CELF2: variants seen among roughly 807,000 people sequenced by gnomAD.
CELF2 encodes the protein CUGBP Elav-like family member 2.
CELF2 carries 8 observed loss-of-function variants against 62.6 expected under a neutral mutation model. That is an observed-to-expected ratio of 0.13 (90% CI 0.07 to 0.23). The LOEUF is 0.23. CELF2 is among the 10% of genes least tolerant of loss of function. The pLI is 1.00. For synonymous variants in CELF2, 258 were observed against 250.0 expected (o/e 1.03, Z -0.30); for missense variants, 333 against 671.0 (o/e 0.50, Z 5.56).
chr10:10,963,378 G>GA (rs2049762005), intron 2 of CELF2, among the ~76,000 whole-genome samples: 1 of 152,018 alleles, frequency 6.6e-6, no homozygotes, highest in African/African-American at 2.4e-5. Context: ...ATTCAACCCT[G>GA]AAAAAAATCT....
intron 1 of CELF2, among the ~76,000 whole-genome samples, chr10:10,817,806 G>A (rs1039193434): frequency 2.6e-5 from 4 of 152,162 alleles, no homozygotes; most frequent in South Asian, 2.1e-4. Context: ...TCATTATGTC[G>A]TAAAGTAATA....
chr10:11,202,468 G>C (rs2059431754), intron 2 of CELF2, among the ~76,000 whole-genome samples: 1 of 152,170 alleles, frequency 6.6e-6, no homozygotes, highest in Admixed American at 6.5e-5. Flanking sequence ...GCTTTTCGTA[G>C]CAAATTTGGA....
the CELF2 span, among the ~76,000 whole-genome samples, chr10:10,509,825 A>G: frequency 1.3e-5 from 2 of 152,230 alleles, no homozygotes; most frequent in Admixed American, 6.5e-5. Flanking sequence ...AAGCCCCTAC[A>G]GTACATTGAG....
chr10:10,706,455 A>G, the CELF2 span, among the ~76,000 whole-genome samples: 1 of 152,216 alleles, frequency 6.6e-6, no homozygotes, highest in African/African-American at 2.4e-5. Flanking sequence ...AACCGTCAGC[A>G]TCCTCTATCA....
At chr10:10,841,856 G>T (rs1390225554) in intron 1 of CELF2, among the ~76,000 whole-genome samples, 2 of 152,000 alleles carry the variant, frequency 1.3e-5, no homozygotes, top group Non-Finnish European at 2.9e-5. Flanking sequence ...TACTGAAATT[G>T]CATTGAATCT....
the CELF2 span, among the ~76,000 whole-genome samples, chr10:10,620,026 T>G: frequency 6.6e-6 from 1 of 152,086 alleles, no homozygotes; most frequent in African/African-American, 2.4e-5. Context: ...TAAGGTATAT[T>G]GCATAAGCTT....
intron 1 of CELF2, among the ~76,000 whole-genome samples, chr10:10,845,449 G>T (rs545886492): frequency 1.4e-4 from 14 of 101,972 alleles, no homozygotes; most frequent in African/African-American, 5.8e-4. Context: ...AAACAATAAA[G>T]CAAAGCAAAA....
At chr10:10,769,086 C>T in the CELF2 span, among the ~76,000 whole-genome samples, 1 of 152,160 alleles carries the variant, frequency 6.6e-6, no homozygotes, top group Admixed American at 6.5e-5. Flanking sequence ...GAGATTGTCT[C>T]CCCAAGATAT....
chr10:10,506,866 T>C, the CELF2 span, among the ~76,000 whole-genome samples: 2 of 151,710 alleles, frequency 1.3e-5, no homozygotes, highest in Non-Finnish European at 2.9e-5. Flanking sequence ...GGATTCCCCA[T>C]GTTGGCCAGG....
the CELF2 span, among the ~76,000 whole-genome samples, chr10:10,503,047 A>G: frequency 3.3e-5 from 5 of 151,964 alleles, no homozygotes; most frequent in African/African-American, 1.2e-4. Flanking sequence ...TTTCCCTATC[A>G]TTCTGAATTG....
the CELF2 span, among the ~76,000 whole-genome samples, chr10:10,506,333 G>A: frequency 8.7e-5 from 13 of 149,860 alleles, no homozygotes; most frequent in Non-Finnish European, 7.4e-5. Flanking sequence ...GGTATGTGCC[G>A]ATAAATTATT....
chr10:11,006,513 G>T (rs183084000), intron 1 of CELF2, among the ~76,000 whole-genome samples: 30 of 152,208 alleles, frequency 2.0e-4, no homozygotes, highest in Non-Finnish European at 2.9e-4. Context: ...AATGCCTTGT[G>T]ATCAGACCTG....
chr10:11,296,950 G>C lies in CELF2; in HGVS notation c.976+8398G>C, dbSNP rs147231104. On this transcript the variant is annotated intron_variant, in intron 9 of 12. Transcript: ENST00000633077. The surrounding 1 kb of genome is among the most constrained non-coding windows in gnomAD (Gnocchi z 5.0). ...TCACAAGCATGGACATATGGAAAAG[G>C]ATGCCCACCGGGGACCCTGAGAGCC... is the stretch of plus-strand genomic sequence containing the variant. Among the ~76,000 whole-genome samples the C allele has an allele frequency of 1.5e-4, 23 of 152,220 alleles. No individual in the cohort carries two copies. The highest frequency in any genetic ancestry group is 3.1e-4 in the Non-Finnish European group (21 of 68,034).
chr10:10,550,946 C>T, the CELF2 span, among the ~76,000 whole-genome samples: 1 of 152,282 alleles, frequency 6.6e-6, no homozygotes, highest in East Asian at 1.9e-4. Flanking sequence ...GATCCACCTG[C>T]CTTGGTCTCC....
chr10:11,203,322 G>C (rs2059704602), intron 2 of CELF2, among the ~76,000 whole-genome samples: 1 of 152,120 alleles, frequency 6.6e-6, no homozygotes, highest in Non-Finnish European at 1.5e-5. Context: ...AAAGATTCTT[G>C]ATCAAAGAAG....
intron 1 of CELF2, among the ~76,000 whole-genome samples, chr10:10,809,347 A>G (rs748111249): frequency 1.3e-5 from 2 of 152,184 alleles, no homozygotes; most frequent in African/African-American, 4.8e-5. Flanking sequence ...ATGCACTTGT[A>G]CTGTTTAAGC....
the CELF2 span, among the ~76,000 whole-genome samples, chr10:10,661,055 T>C: frequency 6.6e-6 from 1 of 152,322 alleles, no homozygotes; most frequent in East Asian, 1.9e-4. Flanking sequence ...TGAGGTATAA[T>C]TTACATACAG....
chr10:10,781,751 T>C, the CELF2 span, among the ~76,000 whole-genome samples: 1 of 152,170 alleles, frequency 6.6e-6, no homozygotes, highest in African/African-American at 2.4e-5. Context: ...GTAAGTACAC[T>C]CTACGCTGGT....
chr10:11,200,087 C>G (rs2058872892), intron 2 of CELF2, among the ~76,000 whole-genome samples: 1 of 152,156 alleles, frequency 6.6e-6, no homozygotes, highest in Non-Finnish European at 1.5e-5. Flanking sequence ...TGTGAAAATT[C>G]ACCCAAACTT....
Sources: allele counts gnomAD v4.1 joint callset (sites outside exome capture counted in the v4.1 genomes callset), GRCh38; gene constraint gnomAD v4.1.1; non-coding constraint Gnocchi (gnomAD v3.1); transcripts MANE v1.5; gene names NCBI Gene and HGNC (gene_info 2026-07-23, HGNC 2026-07-21).